XRRA1: variants seen among roughly 807,000 people sequenced by gnomAD.
XRRA1 encodes X-ray radiation resistance associated 1.
A neutral mutation model predicts 80.2 loss-of-function variants in XRRA1; 69 were observed. That is an observed-to-expected ratio of 0.86 (90% CI 0.71 to 1.05). The LOEUF is 1.05. Ranked by LOEUF, XRRA1 falls within the 50% of genes least tolerant of loss-of-function variation. The probability of loss-of-function intolerance (pLI) is 0.00; values close to 1 mark genes in which losing one functional copy is unlikely to be tolerated. For synonymous variants in XRRA1, 348 were observed against 389.9 expected, an observed-to-expected ratio of 0.89 and a Z score of 1.27; for missense variants, 967 against 976.4, an observed-to-expected ratio of 0.99 and a Z score of 0.13.
chr11:74,900,970 A>T (rs907937816), intron 10 of XRRA1, among the ~76,000 whole-genome samples: 9 of 152,234 alleles, frequency 5.9e-5, no homozygotes, highest in African/African-American at 2.2e-4. Context: ...ATCAAAGAGA[A>T]AGAAATAAAG....
At chr11:74,866,260 G>C (rs984132551) in intron 10 of XRRA1, among the ~76,000 whole-genome samples, 1 of 151,588 alleles carries the variant, frequency 6.6e-6, no homozygotes, top group Non-Finnish European at 1.5e-5. Context: ...GTTTTGTTTT[G>C]TGCTTTTTTT....
chr11:74,894,395 T>C (rs2051665542), intron 10 of XRRA1, among the ~76,000 whole-genome samples: 1 of 152,182 alleles, frequency 6.6e-6, no homozygotes, highest in African/African-American at 2.4e-5. Flanking sequence ...AACTTGTACA[T>C]GTACCCCATG....
At chr11:74,892,153 T>C (rs202189375) in intron 10 of XRRA1, among the ~76,000 whole-genome samples, 1 of 152,092 alleles carries the variant, frequency 6.6e-6, no homozygotes, top group East Asian at 1.9e-4. Flanking sequence ...GACTTCAAAC[T>C]GTACTACAAG....
chr11:74,924,835 ATAAAT>A (rs1331159076), intron 7 of XRRA1, among the ~76,000 whole-genome samples: 1 of 152,234 alleles, frequency 6.6e-6, no homozygotes, highest in Non-Finnish European at 1.5e-5. Context: ...GTCTCAAAAA[ATAAAT>A]TAATTAATTA....
intron 10 of XRRA1, among the ~76,000 whole-genome samples, chr11:74,900,574 C>T (rs2053402334): frequency 6.8e-6 from 1 of 147,676 alleles, no homozygotes. Context: ...AAGAGTGAAA[C>T]TCCATCTCAA....
intron 14 of XRRA1, among the ~76,000 whole-genome samples, chr11:74,849,586 C>G (rs2039259204): frequency 6.6e-6 from 1 of 152,112 alleles, no homozygotes; most frequent in Admixed American, 6.5e-5. Context: ...GGGACAGTTC[C>G]CCTTCCCTCT....
chr11:74,862,015 T>C (rs1320327880), intron 11 of XRRA1, among the ~76,000 whole-genome samples: 1 of 152,224 alleles, frequency 6.6e-6, no homozygotes, highest in African/African-American at 2.4e-5. Flanking sequence ...ATACGGGGCT[T>C]TTGACTTGCT....
At chr11:74,869,738 A>C (rs1373767254) in intron 10 of XRRA1, among the ~76,000 whole-genome samples, 3 of 152,114 alleles carry the variant, frequency 2.0e-5, no homozygotes, top group African/African-American at 7.2e-5. Flanking sequence ...CACCTGGTCC[A>C]ACCAATCTTT....
chr11:74,890,078 C>T (rs2050233031), intron 10 of XRRA1, among the ~76,000 whole-genome samples: 1 of 152,154 alleles, frequency 6.6e-6, no homozygotes, highest in South Asian at 2.1e-4. Context: ...AACTCTCCAC[C>T]CCAAATCAAC....
chr11:74,936,801 G>A (rs1945094381), intron 4 of XRRA1, 83 bp downstream of exon 4: 14 of 1,452,386 alleles, frequency 9.6e-6, no homozygotes, highest in African/African-American at 1.4e-5. Flanking sequence ...GGGGGTAGTT[G>A]TGCCAGAGCA....
chr11:74,852,969 G>A (rs1340986786), intron 12 of XRRA1, among the ~76,000 whole-genome samples: 2 of 152,180 alleles, frequency 1.3e-5, no homozygotes, highest in African/African-American at 2.4e-5. Flanking sequence ...AGCTTCCTCC[G>A]CAGCCTTACT....
Position 74,844,182 on chromosome 11 carries a change from G to A in XRRA1, c.2029C>T (p.His677Tyr). 1 of 1,613,822 alleles carries A rather than the reference G, an allele frequency of 6.2e-7. No individual in the cohort carries two copies. Among genetic ancestry groups the A allele is most frequent in the Non-Finnish European group, 8.5e-7 (1 of 1,179,744 alleles). ...TGGATGTTTACCCGTTTCTCTTTGT[G>A]AACATAGGGTTTCTGAAGAGTGTCC... Reference protein sequence around the residue: ...KLDTLQKPYVHKEKRAQRIPI... With the variant: ...KLDTLQKPYVYKEKRAQRIPI... Residue 677 changes from histidine to tyrosine, a missense_variant, in exon 17 of 19, where the codon CAC becomes TAC. Physicochemically the swap from His to Tyr is moderately conservative, Grantham distance 83 (BLOSUM62 2). Coordinates refer to ENST00000684022, the MANE Select transcript of XRRA1 (RefSeq NM_001378157.1).
intron 10 of XRRA1, among the ~76,000 whole-genome samples, chr11:74,891,801 A>C (rs2050781845): frequency 6.6e-6 from 1 of 152,232 alleles, no homozygotes; most frequent in African/African-American, 2.4e-5. Context: ...ACTCCCATTC[A>C]CAATTGCTTC....
At chr11:74,898,152 C>T (rs1418947363) in intron 10 of XRRA1, among the ~76,000 whole-genome samples, 1 of 151,934 alleles carries the variant, frequency 6.6e-6, no homozygotes, top group Non-Finnish European at 1.5e-5. Context: ...TGTTAGTTTT[C>T]TTTTGACATG....
intron 10 of XRRA1, among the ~76,000 whole-genome samples, chr11:74,891,409 T>A (rs888592619): frequency 6.6e-6 from 1 of 152,098 alleles, no homozygotes; most frequent in African/African-American, 2.4e-5. Context: ...TATCTGAAAA[T>A]AGTAAGAGCT....
At chr11:74,880,313 C>G (rs1027573683) in intron 10 of XRRA1, among the ~76,000 whole-genome samples, 2 of 152,108 alleles carry the variant, frequency 1.3e-5, no homozygotes, top group Admixed American at 1.3e-4. Flanking sequence ...GTGGTGATAT[C>G]CCCTTTATCA....
At chr11:74,896,963 CAG>C (rs2052471934) in intron 10 of XRRA1, among the ~76,000 whole-genome samples, 1 of 151,996 alleles carries the variant, frequency 6.6e-6, no homozygotes, top group African/African-American at 2.4e-5. Context: ...AGTAAATCAC[CAG>C]AGACATTTAA....
intron 10 of XRRA1, among the ~76,000 whole-genome samples, chr11:74,893,340 G>T (rs1440186257): frequency 6.6e-6 from 1 of 150,756 alleles, no homozygotes; most frequent in African/African-American, 2.4e-5. Context: ...CTCACTCATA[G>T]GTGGGAATTG....
At chr11:74,911,635 T>G (rs929106291) in intron 8 of XRRA1, among the ~76,000 whole-genome samples, 1 of 152,196 alleles carries the variant, frequency 6.6e-6, no homozygotes, top group African/African-American at 2.4e-5. Flanking sequence ...CTTGAACTCC[T>G]GGCCTAAAAC....
Sources: gnomAD v4.1 joint callset for allele counts (sites outside exome capture counted in the v4.1 genomes callset) on GRCh38, gnomAD v4.1.1 for gene constraint, MANE v1.5 for transcripts, NCBI Gene and HGNC (gene_info 2026-07-23, HGNC 2026-07-21) for gene names.